Variants in GRIP1 observed in about 807,000 individuals in gnomAD.
The protein encoded by GRIP1 is glutamate receptor-interacting protein 1.
A neutral mutation model predicts 129.9 loss-of-function variants in GRIP1; 45 were observed. The ratio of observed to expected loss-of-function variants is 0.35; its 90% CI spans 0.27 to 0.44. GRIP1 has a LOEUF of 0.44. GRIP1 is among the 20% of genes least tolerant of loss of function. The pLI, the probability that GRIP1 is intolerant of heterozygous loss-of-function variation, is 1.00. For synonymous variants in GRIP1, 530 were observed against 520.8 expected, an observed-to-expected ratio of 1.02 and a Z score of -0.24; for missense variants, 1,196 against 1,396.8, an observed-to-expected ratio of 0.86 and a Z score of 2.29.
At chr12:66,489,778 C>A (rs1333334672) in intron 7 of GRIP1, among the ~76,000 whole-genome samples, 2 of 152,122 alleles carry the variant, frequency 1.3e-5, no homozygotes, top group Non-Finnish European at 2.9e-5. Context: ...TCTCAGGATA[C>A]AAAACCAATG....
Position 66,679,002 on chromosome 12 carries a change from A to G in GRIP1, c.-98T>C. 2 of 1,597,230 alleles carry G rather than the reference A, an allele frequency of 1.3e-6. No homozygotes were observed. Among genetic ancestry groups the G allele is most frequent in the East Asian group, 4.6e-5 (2 of 43,530 alleles). Reference sequence around the variant, plus strand: ...ATGAATTCCTTGCGCACATACCAGGAGAAAGGTAGTCCCAGTGGGGAGTGA... The same window carrying G: ...ATGAATTCCTTGCGCACATACCAGGGGAAAGGTAGTCCCAGTGGGGAGTGA... On this transcript the variant is annotated 5_prime_UTR_variant, in exon 1 of 25. Coordinates refer to ENST00000359742, the MANE Select transcript of GRIP1 (RefSeq NM_001366722.1).
intron 1 of GRIP1, among the ~76,000 whole-genome samples, chr12:67,032,296 C>T (rs1339509347): frequency 2.0e-5 from 3 of 152,158 alleles, no homozygotes; most frequent in Non-Finnish European, 2.9e-5. Flanking sequence ...CTCCCCTCAT[C>T]TTGTTCCAGA....
At chr12:66,474,632 G>C (rs1036117331) in intron 7 of GRIP1, among the ~76,000 whole-genome samples, 6 of 152,118 alleles carry the variant, frequency 3.9e-5, no homozygotes, top group Non-Finnish European at 7.4e-5. Context: ...CTGATCTCTT[G>C]GCAGAAGCTC....
intron 1 of GRIP1, among the ~76,000 whole-genome samples, chr12:66,933,697 C>T (rs1016650799): frequency 6.6e-6 from 1 of 152,100 alleles, no homozygotes; most frequent in African/African-American, 2.4e-5. Context: ...CATTCATACC[C>T]ATAAATAAAC....
intron 1 of GRIP1, among the ~76,000 whole-genome samples, chr12:66,715,515 AG>A (rs1311917442): frequency 1.0e-4 from 15 of 148,296 alleles, no homozygotes; most frequent in East Asian, 4.0e-4. Context: ...AGAGAGAGAG[AG>A]AACTGTCTCC....
chr12:66,416,998 TG>T (rs2057630635), intron 15 of GRIP1, among the ~76,000 whole-genome samples: 2 of 151,480 alleles, frequency 1.3e-5, no homozygotes, highest in Admixed American at 1.3e-4. Flanking sequence ...AAGAAAACTA[TG>T]GGCCAAAAAC....
chr12:66,754,172 C>T (rs1305561639), intron 1 of GRIP1, among the ~76,000 whole-genome samples: 1 of 151,856 alleles, frequency 6.6e-6, no homozygotes, highest in Non-Finnish European at 1.5e-5. Flanking sequence ...TTTTATTTTT[C>T]CTTTTGACAA....
chr12:67,039,607 C>T (rs928200489), intron 1 of GRIP1, among the ~76,000 whole-genome samples: 1 of 152,138 alleles, frequency 6.6e-6, no homozygotes, highest in African/African-American at 2.4e-5. Context: ...TGGTTCTGTA[C>T]CATCAGGTGG....
chr12:66,354,829 G>A (rs971426507), intron 23 of GRIP1, among the ~76,000 whole-genome samples: 1 of 152,136 alleles, frequency 6.6e-6, no homozygotes, highest in Non-Finnish European at 1.5e-5. Flanking sequence ...AGTGGTCAGT[G>A]TGTGGGTTTT....
intron 2 of GRIP1, among the ~76,000 whole-genome samples, chr12:66,560,329 CAA>C (rs1412901663): frequency 6.6e-6 from 1 of 151,976 alleles, no homozygotes; most frequent in Non-Finnish European, 1.5e-5. Flanking sequence ...GGGATCACAT[CAA>C]GTTAAAAAGC....
At chr12:66,420,362 C>CACA (rs2057761115) in intron 15 of GRIP1, among the ~76,000 whole-genome samples, 1 of 151,134 alleles carries the variant, frequency 6.6e-6, no homozygotes, top group South Asian at 2.1e-4. Context: ...AAAATTCTTG[C>CACA]ACAACTTATC....
At chr12:66,666,587 C>G (rs1254300823) in intron 1 of GRIP1, among the ~76,000 whole-genome samples, 2 of 152,096 alleles carry the variant, frequency 1.3e-5, no homozygotes, top group African/African-American at 4.8e-5. Context: ...ACTCTGATGA[C>G]TGGTTCTCAT....
chr12:66,647,419 C>T (rs1378926770), intron 1 of GRIP1: 1 of 152,122 alleles, frequency 6.6e-6, no homozygotes, highest in African/African-American at 2.4e-5. Flanking sequence ...GAATATTTTT[C>T]AGTTTCCTCT....
intron 1 of GRIP1, among the ~76,000 whole-genome samples, chr12:67,036,289 G>A (rs1450699657): frequency 1.3e-5 from 2 of 151,700 alleles, no homozygotes; most frequent in African/African-American, 2.4e-5. Flanking sequence ...TACCTTAACT[G>A]CTTCTAAATG....
intron 6 of GRIP1, among the ~76,000 whole-genome samples, chr12:66,517,383 A>G (rs2060876921): frequency 6.6e-6 from 1 of 151,982 alleles, no homozygotes; most frequent in Non-Finnish European, 1.5e-5. Flanking sequence ...AATGTCTTCC[A>G]TTTTACGGAA....
chr12:66,394,123 G>T, intron 17 of GRIP1, 85 bp downstream of exon 17: 1 of 1,255,950 alleles, frequency 8.0e-7, no homozygotes. Flanking sequence ...GATAACCACA[G>T]AGAGAGGAGC....
At chr12:66,802,256 A>T (rs2038879726) in intron 1 of GRIP1, among the ~76,000 whole-genome samples, 1 of 152,128 alleles carries the variant, frequency 6.6e-6, no homozygotes, top group Non-Finnish European at 1.5e-5. Context: ...CCAATTTGCA[A>T]CTAACTCCAC....
At chr12:66,910,153 T>A (rs1051814084) in intron 1 of GRIP1, among the ~76,000 whole-genome samples, 11 of 152,198 alleles carry the variant, frequency 7.2e-5, no homozygotes, top group Non-Finnish European at 7.3e-5. Flanking sequence ...GAAGCAAGAC[T>A]TAGGCTCAGG....
chr12:66,422,435 C>T (rs1168428998), intron 14 of GRIP1, among the ~76,000 whole-genome samples: 1 of 152,172 alleles, frequency 6.6e-6, no homozygotes, highest in Non-Finnish European at 1.5e-5. Flanking sequence ...TTCAAAACTG[C>T]AAATTGTTCT....
Sources: gnomAD v4.1 joint callset for allele counts (sites outside exome capture counted in the v4.1 genomes callset) on GRCh38, gnomAD v4.1.1 for gene constraint, MANE v1.5 for transcripts, NCBI Gene and HGNC (gene_info 2026-07-23, HGNC 2026-07-21) for gene names.